Variants in REPS1 observed in about 807,000 individuals in gnomAD.
REPS1 encodes ralBP1-associated Eps domain-containing protein 1.
In REPS1, 39 loss-of-function variants were observed where a neutral mutation model predicts 100.9. The observed-to-expected ratio is 0.39, with a 90% CI of 0.30 to 0.50. The LOEUF (loss-of-function observed/expected upper bound fraction) is 0.50. Among genes scored for constraint, REPS1 ranks in the 20% least tolerant of loss-of-function variants. REPS1 has a pLI of 0.86. For synonymous variants in REPS1, 324 were observed against 340.3 expected (o/e 0.95, Z 0.53); for missense variants, 821 against 968.5 (o/e 0.85, Z 2.02).
At position 138,921,900 on chromosome 6, in the gene REPS1, G is replaced by A. The variant is rs372986562; in HGVS notation, c.1339-776C>T. 2.0e-5 allele frequency among the ~76,000 whole-genome samples: 3 copies of A among 151,960 alleles called. 1 individual carries two copies. Among genetic ancestry groups the A allele is most frequent in the East Asian group, 1.9e-4 (1 of 5,172 alleles). ...AGGTAGGAGGATCCTTGAGCCTGGGGAGTGGAACCTGCAGTGAGCTGTGAT... is the reference window on the plus strand; with the variant it reads ...AGGTAGGAGGATCCTTGAGCCTGGGAAGTGGAACCTGCAGTGAGCTGTGAT... On this transcript the variant is annotated intron_variant, in intron 10 of 19. Transcript: ENST00000450536.
At chr6:138,935,626 C>G (rs533651917) in intron 8 of REPS1, among the ~76,000 whole-genome samples, 1 of 151,880 alleles carries the variant, frequency 6.6e-6, no homozygotes, top group East Asian at 1.9e-4. Flanking sequence ...AAGACCGAGG[C>G]AGGCGCTTCA....
chr6:138,941,756 G>A (rs555662425), intron 7 of REPS1, among the ~76,000 whole-genome samples: 1 of 152,012 alleles, frequency 6.6e-6, no homozygotes, highest in African/African-American at 2.4e-5. Context: ...CAATAATTAA[G>A]GTCACCAAAA....
At chr6:138,905,323 C>T (rs1376107760) in intron 19 of REPS1, among the ~76,000 whole-genome samples, 191 bp from the exon 20 acceptor site, 2 of 152,224 alleles carry the variant, frequency 1.3e-5, no homozygotes, top group Non-Finnish European at 2.9e-5. Flanking sequence ...CTCGCTCTGT[C>T]GCCCAGGCCG....
At chr6:138,965,368 TA>T (rs949907705) in intron 1 of REPS1, among the ~76,000 whole-genome samples, 96 of 147,032 alleles carry the variant, frequency 6.5e-4, no homozygotes, top group Middle Eastern at 3.4e-3. Context: ...AAAAAGGCTT[TA>T]AAAAAAAAAC....
intron 1 of REPS1, among the ~76,000 whole-genome samples, chr6:138,965,394 G>T (rs184705625): frequency 6.6e-6 from 1 of 151,546 alleles, no homozygotes; most frequent in African/African-American, 2.4e-5. Flanking sequence ...AAGATTAAAG[G>T]TAAGAAAGGA....
intron 16 of REPS1, among the ~76,000 whole-genome samples, chr6:138,912,231 A>G (rs1451268495): frequency 5.3e-5 from 8 of 152,218 alleles, no homozygotes. Flanking sequence ...ACTACAATAG[A>G]ATATCCTAGA....
At chr6:138,926,547 G>T in intron 9 of REPS1, 66 bp from the exon 10 acceptor site, 2 of 1,133,236 alleles carry the variant, frequency 1.8e-6, no homozygotes, top group Non-Finnish European at 2.6e-6. Context: ...CACTGGAGAA[G>T]ATTTAGCAAA....
At chr6:138,908,261 T>C (rs1779790201) in intron 18 of REPS1, among the ~76,000 whole-genome samples, 1 of 152,180 alleles carries the variant, frequency 6.6e-6, no homozygotes. Flanking sequence ...ATTAAAGAAC[T>C]AGTCTGACCA....
Position 138,962,082 on chromosome 6 carries a change from A to T in REPS1, c.154-14169T>A, listed in dbSNP as rs1179581591. 2.0e-5 allele frequency among the ~76,000 whole-genome samples: 3 copies of T among 152,196 alleles called. No individual in the cohort carries two copies. In the East Asian group the frequency reaches 5.8e-4, roughly 29 times the overall value. ...TAGTGTGGAGTCAAAATAATTTTTT[A>T]AAATATGCAGACCAAACACAACACT... On this transcript the variant is annotated intron_variant, in intron 1 of 19. Coordinates refer to ENST00000450536, the MANE Select transcript of REPS1 (RefSeq NM_001286611.2).
At chr6:138,935,682 C>T (rs947603924) in intron 8 of REPS1, among the ~76,000 whole-genome samples, 33 of 151,950 alleles carry the variant, frequency 2.2e-4, no homozygotes, top group East Asian at 2.1e-3. Context: ...GGTGAAACCC[C>T]GTCTCTACTA....
intron 1 of REPS1, among the ~76,000 whole-genome samples, chr6:138,986,794 A>G (rs200611574): frequency 6.6e-6 from 1 of 151,492 alleles, no homozygotes; most frequent in Non-Finnish European, 1.5e-5. Context: ...TGATAAAAAA[A>G]GGCTTTAAAC....
intron 1 of REPS1, among the ~76,000 whole-genome samples, chr6:138,986,889 C>G (rs1013169872): frequency 6.6e-6 from 1 of 152,230 alleles, no homozygotes; most frequent in African/African-American, 2.4e-5. Flanking sequence ...ATCTCCCAAC[C>G]CAAATCCACA....
At chr6:138,912,612 C>A in intron 16 of REPS1, 153 bp downstream of exon 16, 1 of 727,236 alleles carries the variant, frequency 1.4e-6, no homozygotes, top group Non-Finnish European at 2.4e-6. Flanking sequence ...ACACTGCAAC[C>A]AGCAGATATT....
chr6:138,928,555 G>A (rs572893838), intron 9 of REPS1: 127 of 152,156 alleles, frequency 8.3e-4, no homozygotes, highest in African/African-American at 3.0e-3. Flanking sequence ...AACTTTATGG[G>A]AATATTTAAG....
rs1779486508 is a variant in REPS1 at position 138,903,726 on chromosome 6, T to G, written c.*1338A>C. ...GTTGAGTAGTTTCCTGGGCCTTTAA[T>G]GCTTTAAATTTATTATTTAACAACT... is the stretch of plus-strand genomic sequence containing the variant. On this transcript the variant is annotated 3_prime_UTR_variant, in exon 20 of 20. Transcript: ENST00000450536. 1 of 152,222 alleles carries G rather than the reference T, an allele frequency of 6.6e-6. No homozygotes were observed. Among genetic ancestry groups the G allele is most frequent in the African/African-American group, 2.4e-5 (1 of 41,470 alleles). The allele number at this position is 152,222 out of a possible 1,614,324, so 9.4% of individuals were successfully genotyped here.
chr6:138,950,480 C>A (rs1405983568), intron 1 of REPS1, among the ~76,000 whole-genome samples: 1 of 151,562 alleles, frequency 6.6e-6, no homozygotes, highest in Non-Finnish European at 1.5e-5. Flanking sequence ...GACTCTGTCT[C>A]CCCCCGCAAA....
chr6:138,923,951 A>G (rs570175193), intron 10 of REPS1, among the ~76,000 whole-genome samples: 4 of 152,190 alleles, frequency 2.6e-5, no homozygotes, highest in Non-Finnish European at 5.9e-5. Context: ...TGTAATCTGA[A>G]TGTGCCTTAT....
intron 10 of REPS1, 73 bp downstream of exon 10, chr6:138,926,328 T>C (rs1198289315): frequency 8.7e-7 from 1 of 1,149,024 alleles, no homozygotes; most frequent in Non-Finnish European, 1.3e-6. Flanking sequence ...GCATATCAGC[T>C]AAAAACGATA....
intron 1 of REPS1, among the ~76,000 whole-genome samples, chr6:138,983,469 A>C (rs1785070769): frequency 6.6e-6 from 1 of 152,130 alleles, no homozygotes; most frequent in African/African-American, 2.4e-5. Flanking sequence ...AATAAAAATA[A>C]AAATAAAAAT....
Sources: gnomAD v4.1 joint callset for allele counts (sites outside exome capture counted in the v4.1 genomes callset) on GRCh38, gnomAD v4.1.1 for gene constraint, MANE v1.5 for transcripts, NCBI Gene and HGNC (gene_info 2026-07-23, HGNC 2026-07-21) for gene names.